Variants in PTPRN2 observed in about 807,000 individuals in gnomAD.
The protein encoded by PTPRN2 is protein tyrosine phosphatase receptor type N2, also known as receptor-type tyrosine-protein phosphatase N2.
In PTPRN2, 74 loss-of-function variants were observed where a neutral mutation model predicts 118.8. That is an observed-to-expected ratio of 0.62 (90% CI 0.52 to 0.76). The LOEUF (loss-of-function observed/expected upper bound fraction) is 0.76. Ranked by LOEUF, PTPRN2 falls within the 30% of genes least tolerant of loss-of-function variation. The pLI is 0.00. For missense variants in PTPRN2, 1,481 were observed against 1,394.4 expected (o/e 1.06, Z -0.99); for synonymous variants, 641 against 608.0 (o/e 1.05, Z -0.80).
At chr7:158,206,264 C>A (rs1827134585) in intron 3 of PTPRN2, among the ~76,000 whole-genome samples, 1 of 152,138 alleles carries the variant, frequency 6.6e-6, no homozygotes, top group African/African-American at 2.4e-5. Context: ...GGGCACTGGG[C>A]AGAGTCATGA....
At chr7:158,392,772 G>A (rs1008647004) in intron 2 of PTPRN2, among the ~76,000 whole-genome samples, 1 of 152,176 alleles carries the variant, frequency 6.6e-6, no homozygotes, top group Non-Finnish European at 1.5e-5. Context: ...CAGGCTTCCC[G>A]GTATCCCCTG....
At chr7:157,578,857 A>G (rs1800198647) in intron 17 of PTPRN2, among the ~76,000 whole-genome samples, 1 of 152,218 alleles carries the variant, frequency 6.6e-6, no homozygotes, top group Non-Finnish European at 1.5e-5. Flanking sequence ...ACCCAAAACC[A>G]CTAATCCTGT....
At chr7:158,381,346 C>T (rs1216347316) in intron 2 of PTPRN2, among the ~76,000 whole-genome samples, 1 of 152,158 alleles carries the variant, frequency 6.6e-6, no homozygotes, top group South Asian at 2.1e-4. Flanking sequence ...CGCCACATAC[C>T]CTAAATCATC....
At chr7:158,075,820 G>T (rs79289628) in intron 11 of PTPRN2, among the ~76,000 whole-genome samples, 1 of 152,170 alleles carries the variant, frequency 6.6e-6, no homozygotes, top group African/African-American at 2.4e-5. Flanking sequence ...CGAGCCCCAC[G>T]CCAGCCACAG....
intron 14 of PTPRN2, among the ~76,000 whole-genome samples, chr7:157,640,339 T>A (rs896663578): frequency 1.3e-5 from 2 of 152,170 alleles, no homozygotes; most frequent in African/African-American, 4.8e-5. Flanking sequence ...AAACACTGTA[T>A]GTTGGAAGAC....
At chr7:157,683,026 A>G in intron 12 of PTPRN2, 89 bp from the exon 13 acceptor site, 4 of 1,188,520 alleles carry the variant, frequency 3.4e-6, no homozygotes, top group Non-Finnish European at 4.8e-6. Context: ...TTGAAAGTGG[A>G]AAGCTCAGCC....
chr7:158,172,749 C>A (rs1306925826), intron 5 of PTPRN2, among the ~76,000 whole-genome samples: 1 of 150,610 alleles, frequency 6.6e-6, no homozygotes, highest in Non-Finnish European at 1.5e-5. Context: ...ACAGCAGGAT[C>A]CCCACCATCA....
intron 4 of PTPRN2, among the ~76,000 whole-genome samples, chr7:158,194,385 C>T (rs1826043840): frequency 6.6e-6 from 1 of 152,232 alleles, no homozygotes; most frequent in African/African-American, 2.4e-5. Flanking sequence ...AGTCTGGGGG[C>T]CCTTGCTGTC....
At chr7:157,687,283 T>C (rs769717022) in intron 12 of PTPRN2, among the ~76,000 whole-genome samples, 9 of 152,200 alleles carry the variant, frequency 5.9e-5, no homozygotes, top group African/African-American at 1.2e-4. Context: ...CCAAACTCAA[T>C]TGTGAGAGCT....
intron 12 of PTPRN2, among the ~76,000 whole-genome samples, chr7:157,725,312 T>A (rs1472017061): frequency 2.3e-4 from 18 of 77,498 alleles, no homozygotes; most frequent in Admixed American, 7.9e-4. Context: ...CAGAGGAGTG[T>A]GGCCAGACCC....
intron 9 of PTPRN2, among the ~76,000 whole-genome samples, chr7:158,126,839 A>G (rs1340502338): frequency 1.3e-5 from 2 of 152,158 alleles, no homozygotes. Context: ...GAGAGACCGA[A>G]GCCCCCACCT....
In PTPRN2 at chr7:157,743,652, G is replaced by C. The variant is rs142887198; in HGVS notation, c.1789-60715C>G. Among the ~76,000 whole-genome samples the C allele has an allele frequency of 2.7e-3, 411 of 151,962 alleles. 2 individuals are homozygous for C. Among genetic ancestry groups the C allele is most frequent in the African/African-American group, 9.5e-3 (393 of 41,418 alleles). On this transcript the variant is annotated intron_variant, in intron 12 of 22. Transcript: ENST00000389418. ...GGATAGCTATCTCCGGGTTGGCTGAGTTAGGTTCCTGGCAAGGCCATGGCT... is the reference window on the plus strand; with the variant it reads ...GGATAGCTATCTCCGGGTTGGCTGACTTAGGTTCCTGGCAAGGCCATGGCT...
At chr7:158,141,313 C>T (rs1472175399) in intron 6 of PTPRN2, among the ~76,000 whole-genome samples, 2 of 152,214 alleles carry the variant, frequency 1.3e-5, no homozygotes, top group African/African-American at 2.4e-5. Flanking sequence ...GCACAGGGCT[C>T]GACAGTGGCA....
chr7:158,524,000 A>T (rs545353661), intron 1 of PTPRN2, among the ~76,000 whole-genome samples: 1 of 70,526 alleles, frequency 1.4e-5, no homozygotes, highest in South Asian at 7.3e-4. Context: ...CCTGGAGTGG[A>T]GTCGTCTACC....
At chr7:157,789,727 G>A (rs1804316715) in intron 12 of PTPRN2, among the ~76,000 whole-genome samples, 1 of 150,064 alleles carries the variant, frequency 6.7e-6, no homozygotes, top group Non-Finnish European at 1.5e-5. Flanking sequence ...TGGTGTGTGT[G>A]TCTGTGGGGT....
intron 2 of PTPRN2, among the ~76,000 whole-genome samples, chr7:158,410,944 G>A (rs1814022874): frequency 2.6e-5 from 4 of 151,748 alleles, no homozygotes; most frequent in Admixed American, 1.3e-4. Flanking sequence ...AGGCCCCGGA[G>A]GGACAGGGTA....
chr7:157,779,701 T>TGTCCTGATGAGGG lies in PTPRN2; in HGVS notation c.1789-96777_1789-96765dup, dbSNP rs1803560067. 6.6e-6 allele frequency among the ~76,000 whole-genome samples: 1 copy of TGTCCTGATGAGGG among 152,292 alleles called. No individual in the cohort carries two copies. The highest frequency in any genetic ancestry group is 2.4e-5 in the African/African-American group (1 of 41,574). On this transcript the variant is annotated intron_variant, in intron 12 of 22. Coordinates refer to ENST00000389418, the MANE Select transcript of PTPRN2 (RefSeq NM_002847.5). The surrounding 1 kb of genome is among the most constrained non-coding windows in gnomAD (Gnocchi z 4.7). ...GGGTGAGGGGCCCCGGCCAGAAGGA[T>TGTCCTGATGAGGG]GTCCTGATGAGGGGTCCTGAGGGTC...
chr7:157,657,518 AAAC>A (rs1388171134), intron 13 of PTPRN2, among the ~76,000 whole-genome samples: 2,030 of 38,632 alleles, frequency 0.053, 831 homozygotes, highest in Non-Finnish European at 0.065. Flanking sequence ...TACACCACAC[AAAC>A]CACACACATC....
At chr7:158,147,448 A>G (rs201053286) in intron 6 of PTPRN2, among the ~76,000 whole-genome samples, 1 of 29,458 alleles carries the variant, frequency 3.4e-5, no homozygotes, top group African/African-American at 2.2e-4. Flanking sequence ...TTCCCCCTCA[A>G]TGACACCCCA....
Sources: allele counts gnomAD v4.1 joint callset (sites outside exome capture counted in the v4.1 genomes callset), GRCh38; gene constraint gnomAD v4.1.1; non-coding constraint Gnocchi (gnomAD v3.1); transcripts MANE v1.5; gene names NCBI Gene and HGNC (gene_info 2026-07-23, HGNC 2026-07-21).